Variants in PEPD observed in about 807,000 individuals in gnomAD.
The protein encoded by PEPD is xaa-Pro dipeptidase.
Under a neutral mutation model 60.7 loss-of-function variants are expected in PEPD, and 53 were observed. That is an observed-to-expected ratio of 0.87 (90% confidence interval 0.70 to 1.10). PEPD has a LOEUF of 1.10. Ranked by LOEUF, PEPD falls within the 50% of genes least tolerant of loss-of-function variation. The pLI is 0.00. For synonymous variants in PEPD, 267 were observed against 284.1 expected, an observed-to-expected ratio of 0.94 and a Z score of 0.60; for missense variants, 711 against 711.9, an observed-to-expected ratio of 1.00 and a Z score of 0.01.
chr19:33,499,766 A>C (rs2145333533), intron 4 of PEPD, among the ~76,000 whole-genome samples: 1 of 152,340 alleles, frequency 6.6e-6, no homozygotes, highest in African/African-American at 2.4e-5. Context: ...ATATTCCAGG[A>C]CAGCAGTACC....
chr19:33,392,068 A>C (rs1232721050), intron 12 of PEPD, among the ~76,000 whole-genome samples: 1 of 152,194 alleles, frequency 6.6e-6, no homozygotes, highest in Non-Finnish European at 1.5e-5. Context: ...TCTGGGGAGA[A>C]GGTGCGGCTG....
chr19:33,499,035 C>T (rs1318866471), intron 4 of PEPD, among the ~76,000 whole-genome samples: 2 of 152,054 alleles, frequency 1.3e-5, no homozygotes, highest in East Asian at 1.9e-4. Context: ...AGGAGAGGGT[C>T]GGAAGGAAAA....
chr19:33,492,085 G>A (rs1216337285), intron 5 of PEPD, among the ~76,000 whole-genome samples: 1 of 150,186 alleles, frequency 6.7e-6, no homozygotes, highest in Non-Finnish European at 1.5e-5. Flanking sequence ...GGGTCACTTT[G>A]GGGGGAAGGC....
intron 6 of PEPD, 121 bp from the exon 7 acceptor site, chr19:33,478,211 T>C (rs769572390): frequency 7.0e-5 from 52 of 742,034 alleles, no homozygotes; most frequent in Middle Eastern, 2.4e-4. Flanking sequence ...TTTAATTTCA[T>C]GACTTCCTGA....
chr19:33,470,465 C>T (rs766634818), intron 7 of PEPD, among the ~76,000 whole-genome samples: 19 of 152,216 alleles, frequency 1.2e-4, no homozygotes, highest in Non-Finnish European at 2.2e-4. Context: ...AGCACCCACC[C>T]GAAACACACT....
intron 11 of PEPD, among the ~76,000 whole-genome samples, chr19:33,402,260 C>T (rs2145347867): frequency 6.6e-6 from 1 of 152,324 alleles, no homozygotes; most frequent in Admixed American, 6.5e-5. Context: ...CCGCCCGCTG[C>T]CTGGCCTCCA....
chr19:33,446,484 G>A lies in PEPD; in HGVS notation c.671+16511C>T, dbSNP rs138217902. Among the ~76,000 whole-genome samples the A allele has an allele frequency of 5.7e-3, 864 of 152,314 alleles. 12 individuals carry two copies. Among genetic ancestry groups the A allele is most frequent in the African/African-American group, 0.019 (805 of 41,556 alleles). On this transcript the variant is annotated intron_variant, in intron 9 of 14. Coordinates refer to ENST00000244137, the MANE Select transcript of PEPD (RefSeq NM_000285.4). ...GACACTCTCTGGAGTCTTTTCACCC[G>A]TGGGATCATGACACTTGCCCAGCTT...
intron 7 of PEPD, among the ~76,000 whole-genome samples, chr19:33,469,147 T>G (rs1193157719): frequency 1.3e-5 from 2 of 152,048 alleles, no homozygotes; most frequent in Non-Finnish European, 2.9e-5. Context: ...CCCCTTACTT[T>G]CTCCTGGAGC....
intron 9 of PEPD, among the ~76,000 whole-genome samples, chr19:33,432,010 A>AAAAAAAAAG (rs1031542443): frequency 6.8e-6 from 1 of 147,512 alleles, no homozygotes. Flanking sequence ...AAAAAAAAAA[A>AAAAAAAAAG]GGGAAGATTA....
At chr19:33,513,128 ACT>A (rs1391424355) in intron 1 of PEPD, among the ~76,000 whole-genome samples, 1 of 151,446 alleles carries the variant, frequency 6.6e-6, no homozygotes, top group Admixed American at 6.6e-5. Context: ...CCTGGGGGCC[ACT>A]CTCTCTGCGG....
intron 9 of PEPD, among the ~76,000 whole-genome samples, chr19:33,445,694 C>T (rs537087377): frequency 6.6e-5 from 10 of 152,264 alleles, no homozygotes; most frequent in African/African-American, 2.4e-4. Context: ...TGTGGGGCAG[C>T]CCTAGCACAC....
At chr19:33,478,986 T>C (rs1297595220) in intron 6 of PEPD, among the ~76,000 whole-genome samples, 1 of 152,122 alleles carries the variant, frequency 6.6e-6, no homozygotes, top group Non-Finnish European at 1.5e-5. Flanking sequence ...GACAACTGAA[T>C]AAAGCGATAA....
chr19:33,387,925 G>C lies in PEPD; in HGVS notation c.1309C>G (p.Arg437Gly), dbSNP rs376372688. The C allele has an allele frequency of 1.3e-6, 2 of 1,592,726 alleles. No homozygotes were observed. Residue 437 changes from arginine to glycine, a missense_variant, in exon 14 of 15, where the codon CGC becomes GGC. By Grantham distance (125) the Arg-to-Gly change is moderately radical (BLOSUM62 -2). Coordinates refer to ENST00000244137, the MANE Select transcript of PEPD (RefSeq NM_000285.4). The stretch of plus-strand genomic sequence containing the variant: ...CCGCGAAAGCGCTGCAGGACCTCGC[G>C]GTTAAGGAAGGAGGCGCGGGCCGGG... ...ADPARASFLN[R>G]EVLQRFRGFG...
chr19:33,455,193 T>C (rs567970125), intron 9 of PEPD, among the ~76,000 whole-genome samples: 192 of 152,330 alleles, frequency 1.3e-3, no homozygotes, highest in Non-Finnish European at 2.3e-3. Context: ...CGTGCATCCA[T>C]GGTAACAAAT....
Position 33,512,581 on chromosome 19 carries a change from G to T in PEPD, c.201+12C>A. ...CACACCTGCTCACTTGTGGCCAAGC[G>T]GGGAGGCTCACCTGGCGGAAGAGGA... On this transcript the variant is annotated intron_variant, in intron 2 of 14. Coordinates refer to ENST00000244137, the MANE Select transcript of PEPD (RefSeq NM_000285.4). 1 of 1,612,392 alleles carries T rather than the reference G, an allele frequency of 6.2e-7. No homozygotes were observed. The highest frequency in any genetic ancestry group is 8.5e-7 in the Non-Finnish European group (1 of 1,179,548).
At chr19:33,455,997 A>G (rs1343788531) in intron 9 of PEPD, among the ~76,000 whole-genome samples, 4 of 152,176 alleles carry the variant, frequency 2.6e-5, no homozygotes, top group Non-Finnish European at 5.9e-5. Flanking sequence ...CGACCAGGTT[A>G]CACATTTGCA....
At chr19:33,446,284 A>C (rs1209668436) in intron 9 of PEPD, among the ~76,000 whole-genome samples, 1 of 152,114 alleles carries the variant, frequency 6.6e-6, no homozygotes, top group Non-Finnish European at 1.5e-5. Flanking sequence ...ACCTTTCTCC[A>C]GCTTTAAGAA....
intron 6 of PEPD, among the ~76,000 whole-genome samples, chr19:33,485,355 T>C (rs188279980): frequency 6.6e-6 from 1 of 152,128 alleles, no homozygotes; most frequent in East Asian, 1.9e-4. Context: ...TAGCCACGTG[T>C]GGTGGTGCGC....
intron 3 of PEPD, 36 bp from the exon 4 acceptor site, chr19:33,501,037 C>A: frequency 7.6e-7 from 1 of 1,316,738 alleles, no homozygotes; most frequent in Non-Finnish European, 1.1e-6. Context: ...AGGGTCAGGG[C>A]TTGGTAATGG....
Sources: gnomAD v4.1 joint callset for allele counts (sites outside exome capture counted in the v4.1 genomes callset) on GRCh38, gnomAD v4.1.1 for gene constraint, MANE v1.5 for transcripts, NCBI Gene and HGNC (gene_info 2026-07-23, HGNC 2026-07-21) for gene names.